The following SPEG variants were observed in gnomAD, a reference collection of about 807,000 sequenced individuals.
SPEG encodes the protein striated muscle preferentially expressed protein kinase.
Under a neutral mutation model 300.4 loss-of-function variants are expected in SPEG, and 114 were observed. The ratio of observed to expected loss-of-function variants is 0.38; its 90% confidence interval spans 0.33 to 0.44. The LOEUF (loss-of-function observed/expected upper bound fraction) is 0.44, where lower values mean the gene tolerates loss of function less well. SPEG is among the 20% of genes least tolerant of loss of function. The pLI, the probability that SPEG is intolerant of heterozygous loss-of-function variation, is 1.00. For missense variants in SPEG, 4,201 were observed against 4,586.2 expected (o/e 0.92, Z 2.43); for synonymous variants, 1,964 against 2,018.9 (o/e 0.97, Z 0.73).
chr2:219,486,493 T>G (rs1288190008), intron 31 of SPEG, among the ~76,000 whole-genome samples: 2 of 150,414 alleles, frequency 1.3e-5, no homozygotes, highest in African/African-American at 4.9e-5. Context: ...GAGAAAAGGA[T>G]GGAGGGAAGG....
chr2:219,488,689 G>C (rs775115952), intron 33 of SPEG, 24 bp downstream of exon 33: 1 of 1,604,238 alleles, frequency 6.2e-7, no homozygotes, highest in African/African-American at 1.3e-5. Flanking sequence ...AGGGCCCCAG[G>C]GGGGTAGTGA....
In SPEG at chr2:219,448,732, C is replaced by A; in HGVS notation, c.1574C>A (p.Pro525Gln). Reference protein sequence around the residue: ...ESLRATLQRAPSPREPGEPPL... With the variant: ...ESLRATLQRAQSPREPGEPPL... ...CTGCGCGCCACGCTGCAGCGTGCCC[C>A]ATCCCCTCGAGAGCCCGGCGAGCCC... Residue 525 changes from proline (P) to glutamine (Q), a missense_variant, in exon 4 of 41, where the codon CCA (proline) becomes CAA (glutamine). By Grantham distance (76) the Pro-to-Gln change is moderately conservative. This residue lies in a region of SPEG where 1,258 missense variants were observed against 1,293.9 expected (regional missense o/e 0.97). Transcript: ENST00000312358. The A allele has an allele frequency of 6.7e-7, 1 of 1,488,716 alleles. No homozygotes were observed. The highest frequency in any genetic ancestry group is 8.9e-7 in the Non-Finnish European group (1 of 1,127,102). 92.2% of individuals were successfully genotyped at this position (1,488,716 alleles called of 1,614,324 possible). A position where few individuals can be genotyped will look rare whatever the true frequency, so the allele number is the denominator to read the frequency against.
intron 3 of SPEG, among the ~76,000 whole-genome samples, chr2:219,447,215 G>A (rs949691903): frequency 3.8e-3 from 2 of 532 alleles, no homozygotes; most frequent in African/African-American, 5.0e-3. Context: ...TATCCCTGTG[G>A]GGGGGGGCCT....
At chr2:219,466,039 G>A (rs1691312959) in intron 9 of SPEG, 1 of 1,604,116 alleles carries the variant, frequency 6.2e-7, no homozygotes, top group Admixed American at 1.7e-5. Context: ...GCTGACTGAG[G>A]TTTTTGTCTG....
chr2:219,444,717 TGAC>T lies in SPEG; in HGVS notation c.455_457del (p.Asp152del). ...GAACCCAGCGCCTGGAGCTTCGGGA[TGAC>T]GGGGCCTTCAGCACCCCCACGGGTG... On this transcript the variant is annotated inframe_deletion, in exon 2 of 41. Coordinates refer to ENST00000312358, the MANE Select transcript of SPEG (RefSeq NM_005876.5). The surrounding 1 kb of genome is among the most constrained non-coding windows in gnomAD (Gnocchi z 7.8). 6.2e-7 allele frequency: 1 copy of T among 1,614,012 alleles called. No individual in the cohort carries two copies. Among genetic ancestry groups the T allele is most frequent in the Non-Finnish European group, 8.5e-7 (1 of 1,179,954 alleles).
intron 3 of SPEG, among the ~76,000 whole-genome samples, chr2:219,447,222 G>A (rs1383796978): frequency 2.1e-5 from 3 of 141,604 alleles, no homozygotes; most frequent in Non-Finnish European, 4.6e-5. Context: ...GTGGGGGGGG[G>A]CCTTCTGTAC....
rs1190858936 is a variant in SPEG, at chr2:219,481,797, A to C, written c.5565+117A>C. ...TAACCACGTTAGGCATTGTATGTACATATGACGTATTAGCCTCACAATAGC... is the reference window on the plus strand; with the variant it reads ...TAACCACGTTAGGCATTGTATGTACCTATGACGTATTAGCCTCACAATAGC... On this transcript the variant is annotated intron_variant, in intron 28 of 40. Transcript: ENST00000312358. The surrounding 1 kb of genome is among the most constrained non-coding windows in gnomAD (Gnocchi z 5.4). 1.1e-6 allele frequency: 1 copy of C among 881,546 alleles called. No individual in the cohort carries two copies. The highest frequency in any genetic ancestry group is 1.7e-5 in the African/African-American group (1 of 60,556). 54.6% of individuals were successfully genotyped at this position (881,546 alleles called of 1,614,324 possible).
chr2:219,436,277 A>T (rs1334761597), intron 1 of SPEG, among the ~76,000 whole-genome samples: 1 of 152,220 alleles, frequency 6.6e-6, no homozygotes. Flanking sequence ...AGCTGGGGCT[A>T]CCATGGAGGC....
intron 30 of SPEG, 124 bp from the exon 31 acceptor site, chr2:219,485,222 C>G: frequency 6.7e-7 from 1 of 1,484,242 alleles, no homozygotes; most frequent in South Asian, 1.3e-5. Context: ...GGGAGGAAAG[C>G]AGGAATGGCG....
At position 219,480,196 on chromosome 2, in the gene SPEG, T is replaced by C. The variant is rs1473015094; in HGVS notation, c.5342+56T>C. 2 of 1,565,424 alleles carry C rather than the reference T, an allele frequency of 1.3e-6. No individual in the cohort carries two copies. Reference sequence around the variant, plus strand: ...AGGGCAGCTGCCCTTGGGGCTGTGCTGGGGACGCGCTCACTGGCAGGGAGA... The same window carrying C: ...AGGGCAGCTGCCCTTGGGGCTGTGCCGGGGACGCGCTCACTGGCAGGGAGA... On this transcript the variant is annotated intron_variant, in intron 25 of 40. Coordinates refer to ENST00000312358, the MANE Select transcript of SPEG (RefSeq NM_005876.5). This position sits in a 1 kb window ranked among gnomAD's most constrained non-coding sequence, Gnocchi z 5.3.
chr2:219,474,827 C>T (rs1466263769), intron 18 of SPEG, among the ~76,000 whole-genome samples: 1 of 145,674 alleles, frequency 6.9e-6, no homozygotes, highest in Non-Finnish European at 1.5e-5. Context: ...AGACAGTCAT[C>T]TCACTCTGTC....
In SPEG at chr2:219,439,992, C is replaced by T. The variant is rs1298280847; in HGVS notation, c.388+4627C>T. Among the ~76,000 whole-genome samples, 1 of 152,150 alleles carries T rather than the reference C, an allele frequency of 6.6e-6. No individual in the cohort carries two copies. Among genetic ancestry groups the T allele is most frequent in the Admixed American group, 6.5e-5 (1 of 15,274 alleles). On this transcript the variant is annotated intron_variant, in intron 1 of 40. Coordinates refer to ENST00000312358, the MANE Select transcript of SPEG (RefSeq NM_005876.5). The surrounding 1 kb of genome is among the most constrained non-coding windows in gnomAD (Gnocchi z 4.5). ...CATATGTGCCCTCTCAGCACACGTC[C>T]CTGTGCATGTGTCTGTACTTGTAAT...
rs534715710 is a variant in SPEG at position 219,492,224 on chromosome 2, C to T, written c.9575C>T (p.Thr3192Ile). 12 of 1,613,652 alleles carry T rather than the reference C, an allele frequency of 7.4e-6. No individual in the cohort carries two copies. The highest frequency in any genetic ancestry group is 1.7e-4 in the Middle Eastern group (1 of 6,058). The change falls in exon 40 of 41, where the codon ACC (threonine) becomes ATC (isoleucine). Residue 3192 changes from threonine (T) to isoleucine (I), a missense_variant. Transcript: ENST00000312358. Reference sequence around the variant, plus strand: ...TACCCCAATACATCCCAGAGCGCCACCCTCTTCTTGCGAAAGGTTCTCTCT... The same window carrying T: ...TACCCCAATACATCCCAGAGCGCCATCCTCTTCTTGCGAAAGGTTCTCTCT... ...QLYPNTSQSA[T>I]LFLRKVLSVH...
At position 219,443,093 on chromosome 2, in the gene SPEG, G is replaced by T; in HGVS notation, c.389-1560G>T. 6.2e-7 allele frequency: 1 copy of T among 1,611,700 alleles called. No individual in the cohort carries two copies. Among genetic ancestry groups the T allele is most frequent in the Non-Finnish European group, 8.5e-7 (1 of 1,179,316 alleles). On this transcript the variant is annotated intron_variant, in intron 1 of 40. Transcript: ENST00000312358. The surrounding 1 kb of genome is among the most constrained non-coding windows in gnomAD (Gnocchi z 4.6). ...GCCTCCCCCTCAACTACTCATTCTG[G>T]CTTTTCTCTTTCAGAAAACCGGCCA... is the stretch of plus-strand genomic sequence containing the variant.
chr2:219,464,357 A>T lies in SPEG; in HGVS notation c.2706-76A>T, dbSNP rs1361401397. On this transcript the variant is annotated intron_variant, in intron 8 of 40. Transcript: ENST00000312358. This position sits in a 1 kb window ranked among gnomAD's most constrained non-coding sequence, Gnocchi z 4.5. ...TGCACAGGGAAGGAGAGGCCTGCAC[A>T]GTGCTGCAGCCCCAGTTCCTGTGCA... The T allele has an allele frequency of 4.2e-6, 6 of 1,439,802 alleles. No homozygotes were observed. The highest frequency in any genetic ancestry group is 5.7e-6 in the Non-Finnish European group (6 of 1,057,168). 89.2% of individuals were successfully genotyped at this position (1,439,802 alleles called of 1,614,324 possible). A position where few individuals can be genotyped will look rare whatever the true frequency, so the allele number is the denominator to read the frequency against.
chr2:219,490,782 C>T lies in SPEG; in HGVS notation c.9211C>T (p.Gln3071Ter). The part of the protein sequence containing the change: ...DVATYMVQLL[Q>*]GLDYLHGHHV... ...GGCCACTTACATGGTGCAGCTGCTA[C>T]AAGGCCTGGACTACCTCCACGGCCA... Residue 3071 changes from glutamine to a stop codon, truncating the protein, a stop_gained, in exon 38 of 41, where the codon CAA becomes TAA. Transcript: ENST00000312358. LOFTEE classifies it high-confidence loss of function. 2 of 1,614,142 alleles carry T rather than the reference C, an allele frequency of 1.2e-6. No homozygotes were observed. The highest frequency in any genetic ancestry group is 1.7e-6 in the Non-Finnish European group (2 of 1,180,034).
chr2:219,435,253 C>T lies in SPEG; in HGVS notation c.276C>T (p.Cys92=). 1 of 1,487,798 alleles carries T rather than the reference C, an allele frequency of 6.7e-7. No individual in the cohort carries two copies. 92.2% of individuals were successfully genotyped at this position (1,487,798 alleles called of 1,614,324 possible). ...CCGCGCCGGCCCCCGAGCCCAGCTGCCTGTGGCTGCGGCGCTGCGGGGCGC... is the reference window on the plus strand; with the variant it reads ...CCGCGCCGGCCCCCGAGCCCAGCTGTCTGTGGCTGCGGCGCTGCGGGGCGC... ...LLPAPAPEPS[C]LWLRRCGAQD... The change falls in exon 1 of 41, where the codon TGC becomes TGT. Residue 92 remains cysteine, a synonymous_variant. Coordinates refer to ENST00000312358, the MANE Select transcript of SPEG (RefSeq NM_005876.5).
At chr2:219,468,776 G>C (rs770118123) in intron 11 of SPEG, 40 bp downstream of exon 11, 1 of 1,610,888 alleles carries the variant, frequency 6.2e-7, no homozygotes, top group Admixed American at 1.7e-5. Context: ...GCCCCCCCAA[G>C]GGCCCAGGCG....
chr2:219,465,571 TG>T (rs1427771740), intron 9 of SPEG: 1 of 189,712 alleles, frequency 5.3e-6, no homozygotes, highest in East Asian at 1.6e-4. Context: ...TTCTTTCTCT[TG>T]GGGATTCCTT....
Sources: allele counts gnomAD v4.1 joint callset (sites outside exome capture counted in the v4.1 genomes callset), GRCh38; gene constraint gnomAD v4.1.1; regional missense constraint gnomAD v4.1.1; non-coding constraint Gnocchi (gnomAD v3.1); transcripts MANE v1.5; gene names NCBI Gene and HGNC (gene_info 2026-07-23, HGNC 2026-07-21).